The following MAF variants were observed in gnomAD, a reference collection of about 807,000 sequenced individuals.
MAF encodes the protein MAF bZIP transcription factor.
MAF carries 10 observed loss-of-function variants against 22.0 expected under a neutral mutation model. That is an observed-to-expected ratio of 0.45 (90% CI 0.28 to 0.77). The LOEUF (loss-of-function observed/expected upper bound fraction) is 0.77. Ranked by LOEUF, MAF falls within the 30% of genes least tolerant of loss-of-function variation. The pLI, the probability that MAF is intolerant of heterozygous loss-of-function variation, is 0.12. For synonymous variants in MAF, 337 were observed against 255.8 expected (o/e 1.32, Z -3.03); for missense variants, 544 against 548.4 (o/e 0.99, Z 0.08).
chr16:79,241,634 G>A, the MAF span, among the ~76,000 whole-genome samples: 1 of 152,076 alleles, frequency 6.6e-6, no homozygotes, highest in Non-Finnish European at 1.5e-5. Flanking sequence ...ATATCATCCA[G>A]CAGAACTTCC....
chr16:79,493,052 G>A, the MAF span, among the ~76,000 whole-genome samples: 2 of 151,980 alleles, frequency 1.3e-5, no homozygotes, highest in African/African-American at 2.4e-5. Context: ...TCATCTCAAG[G>A]GTTCAAGCAA....
At chr16:79,229,226 C>G in the MAF span, 3 of 151,696 alleles carry the variant, frequency 2.0e-5, no homozygotes, top group Non-Finnish European at 4.4e-5. Flanking sequence ...TTAAAACCCT[C>G]ATCTCCAGGC....
the MAF span, among the ~76,000 whole-genome samples, chr16:79,251,050 T>G: frequency 6.6e-6 from 1 of 152,068 alleles, no homozygotes; most frequent in African/African-American, 2.4e-5. Context: ...CCACCTGACC[T>G]TCAGAGCAAC....
chr16:79,225,866 A>C, the MAF span, among the ~76,000 whole-genome samples: 1 of 152,230 alleles, frequency 6.6e-6, no homozygotes, highest in Non-Finnish European at 1.5e-5. Flanking sequence ...GATCATTAAA[A>C]AGTCAGGAAA....
At chr16:79,302,368 T>G in the MAF span, among the ~76,000 whole-genome samples, 1 of 152,214 alleles carries the variant, frequency 6.6e-6, no homozygotes, top group Non-Finnish European at 1.5e-5. Context: ...ATTAGCCCAC[T>G]GGACACAGGC....
chr16:79,585,830 GA>G (rs59488209), downstream of MAF: 5,960 of 514,052 alleles, frequency 0.012, 14 homozygotes, highest in African/African-American at 0.033. Context: ...CAAAGAAAAG[GA>G]AAAAAAAAAA....
the MAF span, among the ~76,000 whole-genome samples, chr16:79,287,874 C>T: frequency 6.6e-6 from 1 of 152,192 alleles, no homozygotes; most frequent in East Asian, 1.9e-4. Flanking sequence ...TAGGCAGTCA[C>T]CAAACAGACA....
At chr16:79,539,500 C>T in the MAF span, among the ~76,000 whole-genome samples, 1 of 151,806 alleles carries the variant, frequency 6.6e-6, no homozygotes, top group South Asian at 2.1e-4. Flanking sequence ...CGAGACTCCA[C>T]CTCAAAACAA....
At chr16:79,338,521 T>C in the MAF span, among the ~76,000 whole-genome samples, 20 of 152,138 alleles carry the variant, frequency 1.3e-4, no homozygotes, top group Admixed American at 5.9e-4. Context: ...AGATATCCAA[T>C]GAGAACAATT....
chr16:79,464,095 C>T, the MAF span, among the ~76,000 whole-genome samples: 2 of 152,142 alleles, frequency 1.3e-5, no homozygotes, highest in Non-Finnish European at 2.9e-5. Context: ...CAGAAGTTCT[C>T]CACTCTTATT....
At chr16:79,287,261 G>T in the MAF span, among the ~76,000 whole-genome samples, 1 of 152,224 alleles carries the variant, frequency 6.6e-6, no homozygotes, top group South Asian at 2.1e-4. Context: ...GCAGGATTGC[G>T]GCAGGCTGTT....
At chr16:79,422,250 A>T in the MAF span, among the ~76,000 whole-genome samples, 1 of 152,136 alleles carries the variant, frequency 6.6e-6, no homozygotes, top group Non-Finnish European at 1.5e-5. Context: ...AGCATATTTC[A>T]TGGTTGCGAA....
At chr16:79,415,970 C>G in the MAF span, among the ~76,000 whole-genome samples, 2 of 152,004 alleles carry the variant, frequency 1.3e-5, no homozygotes, top group African/African-American at 4.8e-5. Context: ...AACTTCCTAC[C>G]AAGCATCCCT....
At chr16:79,584,709 G>A (rs1239281571), downstream of MAF, among the ~76,000 whole-genome samples, 1 of 151,778 alleles carries the variant, frequency 6.6e-6, no homozygotes, top group African/African-American at 2.4e-5. Context: ...CACAGACTCA[G>A]ACACACAAAT....
At chr16:79,519,930 A>G in the MAF span, among the ~76,000 whole-genome samples, 3 of 152,140 alleles carry the variant, frequency 2.0e-5, no homozygotes, top group African/African-American at 7.2e-5. Flanking sequence ...GGGACAGCGC[A>G]TGTTTGTCAA....
At chr16:79,533,890 G>A in the MAF span, among the ~76,000 whole-genome samples, 2 of 152,152 alleles carry the variant, frequency 1.3e-5, no homozygotes, top group Non-Finnish European at 2.9e-5. Context: ...CTTAATGTCA[G>A]TGCACTAAGC....
chr16:79,423,405 C>T, the MAF span, among the ~76,000 whole-genome samples: 5 of 152,036 alleles, frequency 3.3e-5, no homozygotes, highest in African/African-American at 7.2e-5. Flanking sequence ...CTATAAGGGC[C>T]GTGGAGGCTA....
the MAF span, among the ~76,000 whole-genome samples, chr16:79,441,053 G>A: frequency 6.6e-6 from 1 of 152,284 alleles, no homozygotes; most frequent in East Asian, 1.9e-4. Flanking sequence ...CCATACATGG[G>A]TGAAATATCT....
the MAF span, among the ~76,000 whole-genome samples, chr16:79,507,994 G>A: frequency 1.3e-5 from 2 of 152,216 alleles, no homozygotes; most frequent in African/African-American, 4.8e-5. Flanking sequence ...CAGTCCTGCA[G>A]TGTGAGAGGA....
Sources: gnomAD v4.1 joint callset for allele counts (sites outside exome capture counted in the v4.1 genomes callset) on GRCh38, gnomAD v4.1.1 for gene constraint, MANE v1.5 for transcripts, NCBI Gene and HGNC (gene_info 2026-07-23, HGNC 2026-07-21) for gene names.